Variants in ISCA1 observed in about 807,000 individuals in gnomAD.
ISCA1 encodes the protein iron-sulfur cluster assembly 1.
A neutral mutation model predicts 14.7 loss-of-function variants in ISCA1; 9 were observed. That is an observed-to-expected ratio of 0.61 (90% confidence interval 0.37 to 1.07). The LOEUF (loss-of-function observed/expected upper bound fraction) is 1.07. Among genes scored for constraint, ISCA1 ranks in the 50% least tolerant of loss-of-function variants. The pLI is 0.01. For synonymous variants in ISCA1, 38 were observed against 54.3 expected (o/e 0.70, Z 1.32); for missense variants, 102 against 150.1 (o/e 0.68, Z 1.67).
intron 1 of ISCA1, among the ~76,000 whole-genome samples, chr9:86,279,899 C>A (rs1464603586): frequency 6.6e-6 from 1 of 152,196 alleles, no homozygotes; most frequent in Admixed American, 6.5e-5. Flanking sequence ...GCAAGCCCAC[C>A]AACACAGGCT....
intron 2 of ISCA1, 133 bp from the exon 3 acceptor site, chr9:86,272,245 T>C (rs763965747): frequency 1.8e-5 from 12 of 666,712 alleles, no homozygotes; most frequent in East Asian, 2.8e-5. Flanking sequence ...GGTCTCACTA[T>C]GTAGCCCAGA....
chr9:86,266,297 C>A lies in ISCA1; in HGVS notation c.242-106G>T, dbSNP rs1232022833. 5 of 1,461,786 alleles carry A rather than the reference C, an allele frequency of 3.4e-6. No homozygotes were observed. The African/African-American group carries it at 5.7e-5, about 17-fold the overall frequency. 90.6% of individuals were successfully genotyped at this position (1,461,786 alleles called of 1,614,324 possible). ...ATAGTGACTATCAATGAAAGTCAAA[C>A]AAGAAGCCTTGAACATTTTAAATTA... On this transcript the variant is annotated intron_variant, in intron 3 of 3. Transcript: ENST00000375991.
intron 1 of ISCA1, 136 bp downstream of exon 1, chr9:86,282,229 GGCGGCGAGGCTGT>G: frequency 2.5e-6 from 2 of 798,316 alleles, no homozygotes; most frequent in African/African-American, 1.8e-5. Context: ...AGGCGAAGGA[GGCGGCGAGGCTGT>G]GCGGCGGGTC....
chr9:86,271,008 G>C (rs1348580235), intron 3 of ISCA1, among the ~76,000 whole-genome samples: 2 of 148,652 alleles, frequency 1.3e-5, no homozygotes, highest in Non-Finnish European at 3.0e-5. Context: ...TGAGTTAATG[G>C]GTGCAGCACA....
At position 86,265,123 on chromosome 9, in the gene ISCA1, AAAT is replaced by A. The variant is rs918872945; in HGVS notation, c.*917_*919del. On this transcript the variant is annotated 3_prime_UTR_variant, in exon 4 of 4. Transcript: ENST00000375991. ...ATTCTTCCCACTCAAAATAAAATAA[AAAT>A]AATATAATCTCTATCAAATTATAAA... 2.0e-5 allele frequency: 3 copies of A among 152,256 alleles called. No homozygotes were observed. The highest frequency in any genetic ancestry group is 6.5e-5 in the Admixed American group (1 of 15,294). 9.4% of individuals were successfully genotyped at this position (152,256 alleles called of 1,614,324 possible).
rs1395975811 is a variant in ISCA1 at position 86,266,700 on chromosome 9, A to G, written c.242-509T>C. ...ACAGGTACTATTCCCTAGTAATTAC[A>G]CAGGTAGAGGTCAGCATCTTTGTAA... On this transcript the variant is annotated intron_variant, in intron 3 of 3. Coordinates refer to ENST00000375991, the MANE Select transcript of ISCA1 (RefSeq NM_030940.4). Among the ~76,000 whole-genome samples, 3 of 152,092 alleles carry G rather than the reference A, an allele frequency of 2.0e-5. No homozygotes were observed. The East Asian group carries it at 5.8e-4, about 29-fold the overall frequency.
chr9:86,266,207 A>C lies in ISCA1; in HGVS notation c.242-16T>G. On this transcript the variant is annotated splice_polypyrimidine_tract_variant and intron_variant, in intron 3 of 3. Coordinates refer to ENST00000375991, the MANE Select transcript of ISCA1 (RefSeq NM_030940.4). ...ACTCTGACTCCTTGGAGAAAAGAAAACATGTGTCATGGAAAGCCTGCAGCC... is the reference window on the plus strand; with the variant it reads ...ACTCTGACTCCTTGGAGAAAAGAAACCATGTGTCATGGAAAGCCTGCAGCC... 1 of 1,593,576 alleles carries C rather than the reference A, an allele frequency of 6.3e-7. No homozygotes were observed. Among genetic ancestry groups the C allele is most frequent in the South Asian group, 1.2e-5 (1 of 86,956 alleles).
chr9:86,272,112 C>T lies in ISCA1; in HGVS notation c.136G>A (p.Val46Ile). The change falls in exon 3 of 4, where the codon GTA (valine) becomes ATA (isoleucine). Residue 46 changes from valine to isoleucine, a missense_variant and splice_region_variant. Val to Ile is a conservative substitution (Grantham distance 29). Transcript: ENST00000375991. ...KQLLKDKPEH[V>I]GVKVGVRTRG... ...GTTCGGACACCAACTTTTACACCTA[C>T]CTGAAAAAGAAGTGAAAATATAAAC... 6.4e-7 allele frequency: 1 copy of T among 1,554,290 alleles called. No homozygotes were observed. Among genetic ancestry groups the T allele is most frequent in the Admixed American group, 1.7e-5 (1 of 59,258 alleles).
chr9:86,271,948 G>T, intron 3 of ISCA1, 59 bp downstream of exon 3: 1 of 894,890 alleles, frequency 1.1e-6, no homozygotes, highest in Non-Finnish European at 1.9e-6. Flanking sequence ...TTTGTGCTGT[G>T]CAAGGCTAAT....
intron 1 of ISCA1, among the ~76,000 whole-genome samples, chr9:86,281,523 G>C (rs1825517010): frequency 6.6e-6 from 1 of 152,232 alleles, no homozygotes; most frequent in Non-Finnish European, 1.5e-5. Context: ...TTTGGAACTA[G>C]ATAGAGGTGA....
chr9:86,269,341 T>C (rs146297726), intron 3 of ISCA1, among the ~76,000 whole-genome samples: 1,661 of 152,296 alleles, frequency 0.011, 14 homozygotes, highest in Admixed American at 0.019. Flanking sequence ...CCATTCACAA[T>C]TGCTTCAAAG....
In ISCA1 at chr9:86,265,385, A is replaced by G. The variant is rs1290705164; in HGVS notation, c.*658T>C. ...GATGGCTTTAAGAGACTTCTCAACT[A>G]AAAGAATCAAAGTCAGCTTGAGAGC... is the stretch of plus-strand genomic sequence containing the variant. On this transcript the variant is annotated 3_prime_UTR_variant, in exon 4 of 4. Transcript: ENST00000375991. The G allele has an allele frequency of 6.6e-6, 1 of 152,362 alleles. No individual in the cohort carries two copies. Among genetic ancestry groups the G allele is most frequent in the Non-Finnish European group, 1.5e-5 (1 of 68,174 alleles). The allele number at this position is 152,362 out of a possible 1,614,324, so 9.4% of individuals were successfully genotyped here. A position where few individuals can be genotyped will look rare whatever the true frequency, so the allele number is the denominator to read the frequency against.
rs1293611665 is a variant in ISCA1 at position 86,274,191 on chromosome 9, G to A, written c.133C>T (p.His45Tyr). Residue 45 changes from histidine to tyrosine, a missense_variant and splice_region_variant, in exon 2 of 4, where the codon CAT (histidine) becomes TAT (tyrosine). By Grantham distance (83) the His-to-Tyr change is moderately conservative. Coordinates refer to ENST00000375991, the MANE Select transcript of ISCA1 (RefSeq NM_030940.4). ...IKQLLKDKPE[H>Y]VGVKVGVRTR... ...AATAATTAACTGGTTTTACTTACAT[G>A]CTCAGGCTTATCTTTAAGAAGTTGT... 2 of 1,555,066 alleles carry A rather than the reference G, an allele frequency of 1.3e-6. No individual in the cohort carries two copies. The highest frequency in any genetic ancestry group is 1.4e-5 in the African/African-American group (1 of 73,858).
At chr9:86,274,096 C>T in intron 2 of ISCA1, 93 bp downstream of exon 2, 4 of 674,394 alleles carry the variant, frequency 5.9e-6, no homozygotes, top group South Asian at 1.9e-5. Context: ...AAATAAAAAC[C>T]CCTAAATGAA....
chr9:86,280,132 A>C (rs1289657231), intron 1 of ISCA1, among the ~76,000 whole-genome samples: 1 of 152,226 alleles, frequency 6.6e-6, no homozygotes, highest in African/African-American at 2.4e-5. Context: ...GAGAATGTGC[A>C]GTGCTATTAC....
chr9:86,282,295 C>A, intron 1 of ISCA1, 83 bp downstream of exon 1: 8 of 1,422,958 alleles, frequency 5.6e-6, no homozygotes, highest in Non-Finnish European at 7.5e-6. Context: ...CCTGCGGCCC[C>A]ACTCCCGGCC....
rs1478403127 is a variant in ISCA1 at position 86,265,296 on chromosome 9, C to CA, written c.*746dup. ...CCCCGGCCTGTGGTGTCAGGGTGGACAGGAGCCCTTTGGCTTCCCTGGGGT... is the reference window on the plus strand; with the variant it reads ...CCCCGGCCTGTGGTGTCAGGGTGGACAAGGAGCCCTTTGGCTTCCCTGGGGT... On this transcript the variant is annotated 3_prime_UTR_variant, in exon 4 of 4. Coordinates refer to ENST00000375991, the MANE Select transcript of ISCA1 (RefSeq NM_030940.4). 2 of 152,180 alleles carry CA rather than the reference C, an allele frequency of 1.3e-5. No homozygotes were observed. The highest frequency in any genetic ancestry group is 6.5e-5 in the Admixed American group (1 of 15,282). The allele number at this position is 152,180 out of a possible 1,614,324, so 9.4% of individuals were successfully genotyped here. A position where few individuals can be genotyped will look rare whatever the true frequency, so the allele number is the denominator to read the frequency against.
chr9:86,271,948 G>A (rs185935213), intron 3 of ISCA1, 59 bp downstream of exon 3: 408 of 894,892 alleles, frequency 4.6e-4, no homozygotes, highest in Non-Finnish European at 7.0e-4. Flanking sequence ...TTTGTGCTGT[G>A]CAAGGCTAAT....
At chr9:86,270,501 T>G (rs1475197286) in intron 3 of ISCA1, among the ~76,000 whole-genome samples, 1 of 150,396 alleles carries the variant, frequency 6.6e-6, no homozygotes, top group South Asian at 2.1e-4. Context: ...GGTGGGACTG[T>G]AAACTAGTTC....
Sources: allele counts gnomAD v4.1 joint callset (sites outside exome capture counted in the v4.1 genomes callset), GRCh38; gene constraint gnomAD v4.1.1; transcripts MANE v1.5; gene names NCBI Gene and HGNC (gene_info 2026-07-23, HGNC 2026-07-21).